Variants in OPCML observed in about 807,000 individuals in gnomAD.
The protein encoded by OPCML is opioid-binding protein/cell adhesion molecule.
Under a neutral mutation model 37.8 loss-of-function variants are expected in OPCML, and 13 were observed. The observed-to-expected ratio is 0.34, with a 90% confidence interval of 0.22 to 0.55. The LOEUF (loss-of-function observed/expected upper bound fraction) is 0.55. OPCML is among the 20% of genes least tolerant of loss of function. The pLI is 0.91. For missense variants in OPCML, 341 were observed against 435.6 expected (o/e 0.78, Z 1.93); for synonymous variants, 176 against 168.8 (o/e 1.04, Z -0.33).
chr11:133,471,646 G>A (rs148512374), intron 1 of OPCML, among the ~76,000 whole-genome samples: 28 of 152,174 alleles, frequency 1.8e-4, no homozygotes, highest in Admixed American at 8.5e-4. Context: ...GTAAAAAACC[G>A]GAGTGGAAGA....
chr11:132,589,544 C>T (rs565093660), intron 3 of OPCML, among the ~76,000 whole-genome samples: 3 of 152,204 alleles, frequency 2.0e-5, no homozygotes, highest in South Asian at 4.1e-4. Flanking sequence ...TGTTGCTATT[C>T]GAGACACAAG....
intron 2 of OPCML, among the ~76,000 whole-genome samples, chr11:132,727,135 A>T (rs1944914035): frequency 6.6e-6 from 1 of 152,062 alleles, no homozygotes; most frequent in Non-Finnish European, 1.5e-5. Flanking sequence ...TCAATCAACT[A>T]ATTTTCTCAT....
At chr11:132,977,186 G>A (rs1353218771) in intron 1 of OPCML, among the ~76,000 whole-genome samples, 1 of 152,152 alleles carries the variant, frequency 6.6e-6, no homozygotes, top group African/African-American at 2.4e-5. Context: ...TCATTTGTCA[G>A]GTTCAATGGA....
chr11:132,916,454 A>C (rs1386276238), intron 2 of OPCML, among the ~76,000 whole-genome samples: 2 of 152,204 alleles, frequency 1.3e-5, no homozygotes, highest in Non-Finnish European at 2.9e-5. Flanking sequence ...ACGTCACTGA[A>C]TTCCCATTAG....
chr11:133,481,778 T>C (rs1456111605), intron 1 of OPCML, among the ~76,000 whole-genome samples: 1 of 152,210 alleles, frequency 6.6e-6, no homozygotes, highest in African/African-American at 2.4e-5. Flanking sequence ...AGGACAGTGT[T>C]CATAACCTTT....
chr11:133,515,900 ATGAG>A (rs1423922601), intron 1 of OPCML, among the ~76,000 whole-genome samples: 1 of 151,796 alleles, frequency 6.6e-6, no homozygotes, highest in Non-Finnish European at 1.5e-5. Context: ...TCACAGCGCC[ATGAG>A]TGAGTCCTAG....
intron 2 of OPCML, among the ~76,000 whole-genome samples, chr11:132,848,043 C>T (rs976925402): frequency 6.6e-6 from 1 of 152,114 alleles, no homozygotes; most frequent in African/African-American, 2.4e-5. Context: ...TTGATCAAGT[C>T]CCTATCGTAT....
chr11:133,453,041 A>G (rs999201578), intron 1 of OPCML, among the ~76,000 whole-genome samples: 4 of 152,228 alleles, frequency 2.6e-5, no homozygotes, highest in Non-Finnish European at 5.9e-5. Flanking sequence ...ACTGTGCCAC[A>G]TACAAAGGCT....
intron 7 of OPCML, among the ~76,000 whole-genome samples, chr11:132,423,124 GC>G (rs1284788590): frequency 6.6e-6 from 1 of 152,182 alleles, no homozygotes; most frequent in Non-Finnish European, 1.5e-5. Flanking sequence ...GTCAACACGT[GC>G]CTTTTGCACT....
At chr11:132,868,929 G>A (rs2136386580) in intron 2 of OPCML, among the ~76,000 whole-genome samples, 1 of 152,306 alleles carries the variant, frequency 6.6e-6, no homozygotes, top group Admixed American at 6.5e-5. Flanking sequence ...CTCAGGACAG[G>A]TGGAAAGGCT....
At chr11:132,474,596 C>A (rs530371822) in intron 4 of OPCML, among the ~76,000 whole-genome samples, 1 of 152,244 alleles carries the variant, frequency 6.6e-6, no homozygotes, top group South Asian at 2.1e-4. Context: ...TTTGGAGGAA[C>A]CAGAAATTTT....
At chr11:132,865,182 A>G (rs541314210) in intron 2 of OPCML, among the ~76,000 whole-genome samples, 28 of 152,348 alleles carry the variant, frequency 1.8e-4, no homozygotes, top group African/African-American at 6.0e-4. Flanking sequence ...TCACACACAC[A>G]TACGCGCGCA....
rs2095943700 is a variant in OPCML at position 132,417,788 on chromosome 11, G to A, written c.*2405C>T. 1 of 152,172 alleles carries A rather than the reference G, an allele frequency of 6.6e-6. No homozygotes were observed. The highest frequency in any genetic ancestry group is 2.4e-5 in the African/African-American group (1 of 41,430). 9.4% of individuals were successfully genotyped at this position (152,172 alleles called of 1,614,324 possible). A position where few individuals can be genotyped will look rare whatever the true frequency, so the allele number is the denominator to read the frequency against. The stretch of plus-strand genomic sequence containing the variant: ...ACCAACTCAACTCCAGATGCTGAAG[G>A]TGGTGACAGATCTGAAACGTCTATG... On this transcript the variant is annotated 3_prime_UTR_variant, in exon 8 of 8. Transcript: ENST00000524381.
intron 2 of OPCML, among the ~76,000 whole-genome samples, chr11:132,883,500 GTT>G (rs1943295208): frequency 6.6e-6 from 1 of 152,136 alleles, no homozygotes; most frequent in South Asian, 2.1e-4. Flanking sequence ...AGTGAGGTTG[GTT>G]CCAGTGGGAA....
At chr11:132,850,762 C>T (rs572847190) in intron 2 of OPCML, among the ~76,000 whole-genome samples, 8 of 152,162 alleles carry the variant, frequency 5.3e-5, no homozygotes, top group Non-Finnish European at 1.0e-4. Flanking sequence ...AGGAAACTAG[C>T]AATTATTCAG....
chr11:132,628,667 C>T (rs544433494), intron 3 of OPCML, among the ~76,000 whole-genome samples: 5 of 152,254 alleles, frequency 3.3e-5, no homozygotes, highest in Non-Finnish European at 5.9e-5. Context: ...ACCCTTACAC[C>T]ACCTGTGTCC....
intron 1 of OPCML, among the ~76,000 whole-genome samples, chr11:133,531,001 T>C (rs1948593668): frequency 6.6e-6 from 1 of 152,234 alleles, no homozygotes; most frequent in South Asian, 2.1e-4. Context: ...GGTAAGGTTT[T>C]AAAATCTTAG....
At chr11:132,804,528 G>C (rs148802536) in intron 2 of OPCML, among the ~76,000 whole-genome samples, 4 of 152,288 alleles carry the variant, frequency 2.6e-5, no homozygotes, top group Admixed American at 6.5e-5. Context: ...TGCACTGCTG[G>C]GGAAAATGCA....
chr11:132,936,066 A>G (rs923134121), intron 2 of OPCML, among the ~76,000 whole-genome samples: 1 of 152,130 alleles, frequency 6.6e-6, no homozygotes, highest in Admixed American at 6.5e-5. Flanking sequence ...CACCATTTCC[A>G]GCCTCAGAAG....
Sources: gnomAD v4.1 joint callset for allele counts (sites outside exome capture counted in the v4.1 genomes callset) on GRCh38, gnomAD v4.1.1 for gene constraint, MANE v1.5 for transcripts, NCBI Gene and HGNC (gene_info 2026-07-23, HGNC 2026-07-21) for gene names.